Variants in CNTNAP2 observed in about 807,000 individuals in gnomAD.
CNTNAP2 encodes the protein contactin associated protein 2.
In CNTNAP2, 98 loss-of-function variants were observed where a neutral mutation model predicts 155.2. The ratio of observed to expected loss-of-function variants is 0.63; its 90% CI spans 0.54 to 0.75. The LOEUF (loss-of-function observed/expected upper bound fraction) is 0.75, where lower values mean the gene tolerates loss of function less well. Among genes scored for constraint, CNTNAP2 ranks in the 30% least tolerant of loss-of-function variants. The probability of loss-of-function intolerance (pLI) is 0.00; values close to 1 mark genes in which losing one functional copy is unlikely to be tolerated. For synonymous variants in CNTNAP2, 651 were observed against 631.2 expected (o/e 1.03, Z -0.47); for missense variants, 1,727 against 1,688.1 (o/e 1.02, Z -0.40).
chr7:147,134,199 C>T lies in CNTNAP2; in HGVS notation c.1348+1690C>T, dbSNP rs530731681. Among the ~76,000 whole-genome samples the T allele has an allele frequency of 2.3e-3, 345 of 151,944 alleles. 1 individual carries two copies. Among genetic ancestry groups the T allele is most frequent in the Non-Finnish European group, 4.0e-3 (275 of 67,912 alleles). On this transcript the variant is annotated intron_variant, in intron 8 of 23. Coordinates refer to ENST00000361727, the MANE Select transcript of CNTNAP2 (RefSeq NM_014141.6). ...ATATTTGAAAGGATAAGATATTAAC[C>T]CTAGTGGTCAATAAACATGTATTAA... is the stretch of plus-strand genomic sequence containing the variant.
At chr7:146,588,600 C>A (rs1052988509) in intron 1 of CNTNAP2, among the ~76,000 whole-genome samples, 1 of 151,964 alleles carries the variant, frequency 6.6e-6, no homozygotes, top group Non-Finnish European at 1.5e-5. Flanking sequence ...TCGACCTCCC[C>A]AAGCTCAGGT....
At chr7:147,051,673 G>A (rs1799476495) in intron 4 of CNTNAP2, among the ~76,000 whole-genome samples, 1 of 152,024 alleles carries the variant, frequency 6.6e-6, no homozygotes, top group South Asian at 2.1e-4. Context: ...AGCAACATAA[G>A]TCTCATTTCA....
chr7:146,771,566 T>G (rs1490737012), intron 1 of CNTNAP2, among the ~76,000 whole-genome samples: 1 of 152,194 alleles, frequency 6.6e-6, no homozygotes, highest in South Asian at 2.1e-4. Context: ...AATTTTAAGT[T>G]CTTTTCATTC....
chr7:146,481,287 A>G (rs143421416), intron 1 of CNTNAP2, among the ~76,000 whole-genome samples: 1,608 of 152,346 alleles, frequency 0.011, 15 homozygotes, highest in Non-Finnish European at 0.018. Context: ...TCGTAACATT[A>G]GAAGAAATGT....
rs145769742 is a variant in CNTNAP2, at chr7:147,925,106, G to A, written c.2255+21385G>A. On this transcript the variant is annotated intron_variant, in intron 14 of 23. Coordinates refer to ENST00000361727, the MANE Select transcript of CNTNAP2 (RefSeq NM_014141.6). ...GGCACTGCAGCCTGGGCGACAGAGCGAGACTCCATCAGAAAGAGAGAAAGA... is the reference window on the plus strand; with the variant it reads ...GGCACTGCAGCCTGGGCGACAGAGCAAGACTCCATCAGAAAGAGAGAAAGA... Among the ~76,000 whole-genome samples, 489 of 141,760 alleles carry A rather than the reference G, an allele frequency of 3.4e-3. 17 individuals are homozygous for A. In the East Asian group the frequency reaches 0.075, roughly 22 times the overall value. 93.0% of individuals were successfully genotyped at this position (141,760 alleles called of 152,430 possible).
At chr7:148,071,367 C>T (rs1803378878) in intron 15 of CNTNAP2, among the ~76,000 whole-genome samples, 1 of 152,152 alleles carries the variant, frequency 6.6e-6, no homozygotes, top group Non-Finnish European at 1.5e-5. Context: ...GTAATCCCAG[C>T]TACTCTGGAG....
intron 1 of CNTNAP2, among the ~76,000 whole-genome samples, chr7:146,537,191 C>T (rs1797882285): frequency 6.6e-6 from 1 of 151,926 alleles, no homozygotes; most frequent in Admixed American, 6.6e-5. Context: ...TGTATCCTAT[C>T]AACTTTATGA....
At chr7:146,659,841 A>T (rs1800057321) in intron 1 of CNTNAP2, among the ~76,000 whole-genome samples, 1 of 152,202 alleles carries the variant, frequency 6.6e-6, no homozygotes, top group Non-Finnish European at 1.5e-5. Flanking sequence ...CTTTGGAGTG[A>T]TATGCAAGAA....
intron 8 of CNTNAP2, among the ~76,000 whole-genome samples, chr7:147,133,350 G>GA (rs1319880939): frequency 3.9e-5 from 6 of 152,040 alleles, no homozygotes; most frequent in Admixed American, 3.9e-4. Flanking sequence ...GAGATACAAA[G>GA]AAAACTAACA....
intron 12 of CNTNAP2, among the ~76,000 whole-genome samples, chr7:147,634,267 C>T (rs559718203): frequency 2.6e-5 from 4 of 152,256 alleles, no homozygotes; most frequent in Non-Finnish European, 5.9e-5. Context: ...TGGAATACTA[C>T]TCGTCATAAA....
At chr7:147,861,478 G>T (rs2160017) in intron 13 of CNTNAP2, among the ~76,000 whole-genome samples, 90,639 of 152,000 alleles carry the variant, frequency 0.6, 27,302 homozygotes, top group Middle Eastern at 0.7. Context: ...CATCCATTGA[G>T]TATTTACCAC....
chr7:146,415,439 A>C (rs901419468), intron 1 of CNTNAP2, among the ~76,000 whole-genome samples: 1 of 152,204 alleles, frequency 6.6e-6, no homozygotes, highest in Non-Finnish European at 1.5e-5. Flanking sequence ...CTTCAAAAAA[A>C]TCTTTATGTG....
intron 1 of CNTNAP2, among the ~76,000 whole-genome samples, chr7:146,360,769 G>A (rs1294447178): frequency 6.6e-6 from 1 of 152,056 alleles, no homozygotes. Context: ...CTGCAATAAT[G>A]GTATATTATG....
rs61369584 is a variant in CNTNAP2, at chr7:146,866,292, A to G, written c.402+26388A>G. On this transcript the variant is annotated intron_variant, in intron 3 of 23. Coordinates refer to ENST00000361727, the MANE Select transcript of CNTNAP2 (RefSeq NM_014141.6). ...AACCTTTAATATTAGGTAATTCCAT[A>G]TAAGCCTTTATAATAAAATATTTAT... Among the ~76,000 whole-genome samples the G allele has an allele frequency of 1.9e-3, 291 of 152,254 alleles. 2 individuals carry two copies. The highest frequency in any genetic ancestry group is 6.8e-3 in the African/African-American group (281 of 41,574).
intron 1 of CNTNAP2, among the ~76,000 whole-genome samples, chr7:146,129,641 T>C (rs1203424320): frequency 6.6e-6 from 1 of 152,218 alleles, no homozygotes; most frequent in African/African-American, 2.4e-5. Context: ...TTATCCACTT[T>C]ATCAGCTTCC....
intron 15 of CNTNAP2, among the ~76,000 whole-genome samples, chr7:147,987,506 C>G (rs1453661538): frequency 6.6e-6 from 1 of 152,142 alleles, no homozygotes; most frequent in Non-Finnish European, 1.5e-5. Context: ...TGATGCCAGA[C>G]TTGGTTCTGC....
chr7:147,031,592 G>C (rs1799033575), intron 3 of CNTNAP2, among the ~76,000 whole-genome samples: 1 of 152,204 alleles, frequency 6.6e-6, no homozygotes, highest in Non-Finnish European at 1.5e-5. Flanking sequence ...AGAAGCCAGT[G>C]ATGTTTGATT....
At chr7:147,160,798 A>G (rs377648173) in intron 8 of CNTNAP2, among the ~76,000 whole-genome samples, 18 of 152,146 alleles carry the variant, frequency 1.2e-4, no homozygotes, top group African/African-American at 3.4e-4. Flanking sequence ...AAGTAATGCC[A>G]TCAATAGACA....
At chr7:146,323,272 T>C (rs1801037340) in intron 1 of CNTNAP2, among the ~76,000 whole-genome samples, 1 of 152,138 alleles carries the variant, frequency 6.6e-6, no homozygotes, top group Non-Finnish European at 1.5e-5. Context: ...ATGCTTTGTC[T>C]AAAGGTTCTT....
Sources: allele counts gnomAD v4.1 joint callset (sites outside exome capture counted in the v4.1 genomes callset), GRCh38; gene constraint gnomAD v4.1.1; transcripts MANE v1.5; gene names NCBI Gene and HGNC (gene_info 2026-07-23, HGNC 2026-07-21).